SCHIP1: variants seen among roughly 807,000 people sequenced by gnomAD.
SCHIP1 encodes schwannomin-interacting protein 1.
In SCHIP1, 8 loss-of-function variants were observed where a neutral mutation model predicts 29.7. That is an observed-to-expected ratio of 0.27 (90% CI 0.16 to 0.49). SCHIP1 has a LOEUF of 0.49. Ranked by LOEUF, SCHIP1 falls within the 20% of genes least tolerant of loss-of-function variation. The pLI is 0.99. For synonymous variants in SCHIP1, 76 were observed against 94.9 expected (o/e 0.80, Z 1.16); for missense variants, 193 against 294.6 (o/e 0.66, Z 2.52).
At chr3:159,376,643 C>T in the SCHIP1 span, among the ~76,000 whole-genome samples, 1 of 152,196 alleles carries the variant, frequency 6.6e-6, no homozygotes, top group Non-Finnish European at 1.5e-5. Context: ...ACCTGTCATT[C>T]TCTTTCATCA....
chr3:159,471,096 G>A, the SCHIP1 span, among the ~76,000 whole-genome samples: 1 of 151,988 alleles, frequency 6.6e-6, no homozygotes, highest in Non-Finnish European at 1.5e-5. Flanking sequence ...ATTTTACTGT[G>A]TGTGTATTAT....
chr3:159,311,952 A>C, the SCHIP1 span, among the ~76,000 whole-genome samples: 1 of 152,216 alleles, frequency 6.6e-6, no homozygotes, highest in South Asian at 2.1e-4. Context: ...AGCTAGCACT[A>C]TCCCAGGAAA....
chr3:159,650,271 G>A, the SCHIP1 span, among the ~76,000 whole-genome samples: 4 of 152,050 alleles, frequency 2.6e-5, no homozygotes, highest in South Asian at 2.1e-4. Context: ...ATGAAAAAAG[G>A]GAAAATTCCA....
chr3:159,723,055 G>C, the SCHIP1 span, among the ~76,000 whole-genome samples: 9 of 152,204 alleles, frequency 5.9e-5, no homozygotes, highest in Admixed American at 3.9e-4. Flanking sequence ...CCAGGAGCTG[G>C]GTAGGTGTTT....
the SCHIP1 span, among the ~76,000 whole-genome samples, chr3:159,276,920 CT>C: frequency 6.6e-6 from 1 of 152,194 alleles, no homozygotes; most frequent in Non-Finnish European, 1.5e-5. Context: ...CCACTTCCAT[CT>C]TGCCTAATTT....
At chr3:159,578,767 C>T in the SCHIP1 span, among the ~76,000 whole-genome samples, 1 of 151,916 alleles carries the variant, frequency 6.6e-6, no homozygotes. Flanking sequence ...CTCTCTCTCT[C>T]CTACTTCTAT....
chr3:159,816,651 A>G, the SCHIP1 span, among the ~76,000 whole-genome samples: 7 of 152,274 alleles, frequency 4.6e-5, no homozygotes, highest in Non-Finnish European at 1.0e-4. Flanking sequence ...CTCATTCTCA[A>G]ACACTGTAAT....
the SCHIP1 span, among the ~76,000 whole-genome samples, chr3:159,409,203 A>G: frequency 6.6e-6 from 1 of 152,252 alleles, no homozygotes; most frequent in East Asian, 1.9e-4. Flanking sequence ...GAAAAACTAA[A>G]AGCCTTTTCT....
At chr3:159,562,142 C>G in the SCHIP1 span, among the ~76,000 whole-genome samples, 2 of 152,132 alleles carry the variant, frequency 1.3e-5, no homozygotes, top group Non-Finnish European at 2.9e-5. Context: ...TTGAACCAAC[C>G]CTAAATTCTC....
chr3:159,889,028 A>T, intron 5 of SCHIP1, 85 bp downstream of exon 6: 1 of 1,488,914 alleles, frequency 6.7e-7, no homozygotes, highest in Non-Finnish European at 9.0e-7. Flanking sequence ...ACTTTTTCAT[A>T]CAACATTTCA....
intron 6 of SCHIP1, chr3:159,894,527 C>T (rs943505071): frequency 5.3e-5 from 8 of 152,202 alleles, no homozygotes; most frequent in Non-Finnish European, 1.0e-4. Context: ...GTGTTCCTAA[C>T]AACATCGCAT....
chr3:159,877,336 G>A (rs1192331932), intron 2 of SCHIP1, among the ~76,000 whole-genome samples: 2 of 152,180 alleles, frequency 1.3e-5, no homozygotes, highest in African/African-American at 2.4e-5. Flanking sequence ...GGTGACAAGA[G>A]CGAAACTCTG....
At chr3:159,570,000 A>C in the SCHIP1 span, among the ~76,000 whole-genome samples, 1 of 152,026 alleles carries the variant, frequency 6.6e-6, no homozygotes, top group Admixed American at 6.6e-5. Flanking sequence ...TCCTTCGCCG[A>C]CTTTTGGATG....
At chr3:159,866,249 T>C (rs1714612824) in exon 2 of SCHIP1, 1 of 1,613,666 alleles carries the variant, frequency 6.2e-7, no homozygotes, top group Non-Finnish European at 8.5e-7. Context: ...ATACCAGCTG[T>C]AGCAAAAGTG....
chr3:159,508,897 C>T, the SCHIP1 span, among the ~76,000 whole-genome samples: 1 of 152,076 alleles, frequency 6.6e-6, no homozygotes, highest in Non-Finnish European at 1.5e-5. Flanking sequence ...ACTATGTGGT[C>T]GATTTTGGAA....
the SCHIP1 span, among the ~76,000 whole-genome samples, chr3:159,288,095 T>C: frequency 6.6e-6 from 1 of 152,126 alleles, no homozygotes; most frequent in Non-Finnish European, 1.5e-5. Context: ...CTTTGAGGTA[T>C]ACTACATGAA....
At chr3:159,805,403 C>T in the SCHIP1 span, among the ~76,000 whole-genome samples, 8 of 152,246 alleles carry the variant, frequency 5.3e-5, no homozygotes, top group South Asian at 1.0e-3. Context: ...AGAATCACAG[C>T]GGCTGTGACA....
intron 2 of SCHIP1, among the ~76,000 whole-genome samples, chr3:159,875,913 C>G (rs147899063): frequency 1.3e-5 from 2 of 151,988 alleles, no homozygotes; most frequent in Non-Finnish European, 1.5e-5. Flanking sequence ...GGCAACACAG[C>G]GAGAACCTGT....
chr3:159,440,805 T>C, the SCHIP1 span, among the ~76,000 whole-genome samples: 1 of 152,204 alleles, frequency 6.6e-6, no homozygotes, highest in Non-Finnish European at 1.5e-5. Flanking sequence ...CTTGGTTGAC[T>C]CAGCATACAT....
Sources: gnomAD v4.1 joint callset for allele counts (sites outside exome capture counted in the v4.1 genomes callset) on GRCh38, gnomAD v4.1.1 for gene constraint, MANE v1.5 for transcripts, NCBI Gene and HGNC (gene_info 2026-07-23, HGNC 2026-07-21) for gene names.